Variants in UNC5C observed in about 807,000 individuals in gnomAD.
UNC5C encodes the protein unc-5 netrin receptor C.
A neutral mutation model predicts 99.8 loss-of-function variants in UNC5C; 47 were observed. The observed-to-expected ratio is 0.47, with a 90% CI of 0.37 to 0.60. The LOEUF (loss-of-function observed/expected upper bound fraction) is 0.60. Among genes scored for constraint, UNC5C ranks in the 20% least tolerant of loss-of-function variants. The pLI is 0.00. For missense variants in UNC5C, 1,062 were observed against 1,165.9 expected (o/e 0.91, Z 1.30); for synonymous variants, 487 against 452.2 (o/e 1.08, Z -0.98).
intron 1 of UNC5C, among the ~76,000 whole-genome samples, chr4:95,530,608 T>C (rs1018806114): frequency 6.6e-6 from 1 of 152,310 alleles, no homozygotes; most frequent in East Asian, 1.9e-4. Flanking sequence ...AATATTGAAG[T>C]ATATTGCACT....
chr4:95,527,621 T>C (rs551511856), intron 1 of UNC5C, among the ~76,000 whole-genome samples: 1 of 152,234 alleles, frequency 6.6e-6, no homozygotes. Flanking sequence ...GCTTTTGTAA[T>C]TACTATTTTT....
intron 5 of UNC5C, among the ~76,000 whole-genome samples, chr4:95,249,686 G>A (rs1332898303): frequency 1.3e-5 from 2 of 152,174 alleles, no homozygotes; most frequent in Non-Finnish European, 2.9e-5. Context: ...GTATGAAATT[G>A]CTTAGTACTT....
intron 4 of UNC5C, among the ~76,000 whole-genome samples, chr4:95,259,760 G>T (rs1284927426): frequency 1.3e-5 from 2 of 151,826 alleles, no homozygotes; most frequent in Non-Finnish European, 2.9e-5. Flanking sequence ...TGAAACACAG[G>T]TTATTAAAAT....
At chr4:95,265,005 G>A (rs960122054) in intron 4 of UNC5C, among the ~76,000 whole-genome samples, 1 of 151,996 alleles carries the variant, frequency 6.6e-6, no homozygotes, top group South Asian at 2.1e-4. Flanking sequence ...TCCTGCATCA[G>A]AATCACCTGG....
chr4:95,308,333 G>T (rs190927606), intron 2 of UNC5C, among the ~76,000 whole-genome samples: 5 of 151,606 alleles, frequency 3.3e-5, no homozygotes, highest in Admixed American at 2.6e-4. Context: ...AAGAAACAAA[G>T]AAAATAATCC....
intron 1 of UNC5C, among the ~76,000 whole-genome samples, chr4:95,528,073 T>G (rs989415897): frequency 3.9e-5 from 6 of 152,168 alleles, no homozygotes; most frequent in Non-Finnish European, 8.8e-5. Flanking sequence ...AAATTGCAGT[T>G]CTAAAAATTA....
intron 7 of UNC5C, among the ~76,000 whole-genome samples, chr4:95,240,016 G>T (rs1484908757): frequency 6.6e-6 from 1 of 152,100 alleles, no homozygotes; most frequent in Non-Finnish European, 1.5e-5. Flanking sequence ...TAGATTCAGA[G>T]GTTGTAGTTC....
At chr4:95,397,840 T>A (rs1745563389) in intron 1 of UNC5C, among the ~76,000 whole-genome samples, 1 of 152,116 alleles carries the variant, frequency 6.6e-6, no homozygotes, top group Non-Finnish European at 1.5e-5. Flanking sequence ...AGAGTAGAAA[T>A]CATCTTATTA....
chr4:95,270,843 T>A (rs2149390861), intron 4 of UNC5C, among the ~76,000 whole-genome samples: 1 of 152,348 alleles, frequency 6.6e-6, no homozygotes, highest in South Asian at 2.1e-4. Flanking sequence ...ACAAATTGAC[T>A]AATCTGTAGC....
At chr4:95,356,219 A>AC (rs1491557099) in intron 1 of UNC5C, among the ~76,000 whole-genome samples, 19 of 90,704 alleles carry the variant, frequency 2.1e-4, no homozygotes, top group African/African-American at 7.7e-4. Context: ...AAAACAAAAC[A>AC]AAAAAAAAAC....
chr4:95,242,539 G>A lies in UNC5C; in HGVS notation c.998C>T (p.Thr333Ile). Residue 333 changes from threonine to isoleucine, a missense_variant, in exon 7 of 16, where the codon ACC becomes ATC. Physicochemically the swap from Thr to Ile is moderately conservative, Grantham distance 89 (BLOSUM62 -1). Coordinates refer to ENST00000453304, the MANE Select transcript of UNC5C (RefSeq NM_003728.4). ...SKWSTCGTEC[T>I]HWRRRECTAP... Reference sequence around the variant, plus strand: ...CGTGCACTCCCTCCTGCGCCAGTGGGTGCACTCAGTTCCACAAGTAGACCA... The same window carrying A: ...CGTGCACTCCCTCCTGCGCCAGTGGATGCACTCAGTTCCACAAGTAGACCA... 6.2e-7 allele frequency: 1 copy of A among 1,610,902 alleles called. No individual in the cohort carries two copies.
intron 1 of UNC5C, among the ~76,000 whole-genome samples, chr4:95,468,221 A>G (rs1272042000): frequency 6.6e-6 from 1 of 152,006 alleles, no homozygotes; most frequent in Non-Finnish European, 1.5e-5. Flanking sequence ...TATCACATAA[A>G]GATCCATGTT....
At chr4:95,353,752 T>C (rs919315386) in intron 1 of UNC5C, among the ~76,000 whole-genome samples, 1 of 152,082 alleles carries the variant, frequency 6.6e-6, no homozygotes, top group Admixed American at 6.6e-5. Flanking sequence ...ATCATTAAAA[T>C]TATTGTGACA....
At position 95,347,194 on chromosome 4, in the gene UNC5C, C is replaced by A. The variant is rs181665923; in HGVS notation, c.125-11563G>T. ...CTACAAATAAAATAAAATCCCTAGG[C>A]ATTAATTAAAGAAGTGAAATATCTC... On this transcript the variant is annotated intron_variant, in intron 1 of 15. Transcript: ENST00000453304. Among the ~76,000 whole-genome samples the A allele has an allele frequency of 2.1e-4, 32 of 151,662 alleles. 1 individual carries two copies. The highest frequency in any genetic ancestry group is 2.0e-3 in the Admixed American group (30 of 15,222).
intron 1 of UNC5C, among the ~76,000 whole-genome samples, chr4:95,423,807 G>A (rs1384671122): frequency 1.3e-5 from 2 of 152,250 alleles, no homozygotes; most frequent in East Asian, 3.9e-4. Flanking sequence ...ATTTCTATTG[G>A]TGTGATTAAG....
chr4:95,496,733 T>A (rs1165961682), intron 1 of UNC5C, among the ~76,000 whole-genome samples: 1 of 151,834 alleles, frequency 6.6e-6, no homozygotes, highest in East Asian at 1.9e-4. Context: ...TGGTTCTTGG[T>A]TACATGGATA....
intron 1 of UNC5C, among the ~76,000 whole-genome samples, chr4:95,488,378 C>A (rs1486645183): frequency 6.6e-6 from 1 of 151,696 alleles, no homozygotes; most frequent in Non-Finnish European, 1.5e-5. Context: ...ACGAATTACA[C>A]TTTATATCCT....
Position 95,242,445 on chromosome 4 carries a change from A to G in UNC5C, c.1092T>C (p.Asp364=), listed in dbSNP as rs1388781788. 1 of 1,614,112 alleles carries G rather than the reference A, an allele frequency of 6.2e-7. No individual in the cohort carries two copies. The highest frequency in any genetic ancestry group is 1.7e-5 in the Admixed American group (1 of 60,012). Residue 364 remains aspartate (D), a synonymous_variant, in exon 7 of 16, where the codon GAT becomes GAC. Coordinates refer to ENST00000453304, the MANE Select transcript of UNC5C (RefSeq NM_003728.4). ...TTGACTTACTCTGCATGCAAAGCCC[A>G]TCAGTGCAGTTCTTGGATTGCAAGA... ...GLVLQSKNCT[D]GLCMQTAPDS... is the part of the protein sequence containing the mutation.
At chr4:95,373,845 G>A (rs983362432) in intron 1 of UNC5C, among the ~76,000 whole-genome samples, 2 of 152,124 alleles carry the variant, frequency 1.3e-5, no homozygotes, top group Admixed American at 1.3e-4. Flanking sequence ...TAAGAAAGCA[G>A]GAGTAAAAAT....
Sources: gnomAD v4.1 joint callset for allele counts (sites outside exome capture counted in the v4.1 genomes callset) on GRCh38, gnomAD v4.1.1 for gene constraint, MANE v1.5 for transcripts, NCBI Gene and HGNC (gene_info 2026-07-23, HGNC 2026-07-21) for gene names.